The following VWC2L variants were observed in gnomAD, a reference collection of about 807,000 sequenced individuals.
VWC2L encodes von Willebrand factor C domain containing 2 like, also known as von Willebrand factor C domain-containing protein 2-like.
In VWC2L, 10 loss-of-function variants were observed where a neutral mutation model predicts 21.6. The ratio of observed to expected loss-of-function variants is 0.46; its 90% CI spans 0.29 to 0.78. The LOEUF is 0.78. VWC2L is among the 30% of genes least tolerant of loss of function. VWC2L has a pLI of 0.10. For missense variants in VWC2L, 209 were observed against 277.1 expected (o/e 0.75, Z 1.74); for synonymous variants, 96 against 94.3 (o/e 1.02, Z -0.10).
intron 3 of VWC2L, among the ~76,000 whole-genome samples, chr2:214,526,605 A>G (rs918296231): frequency 2.6e-5 from 4 of 152,210 alleles, no homozygotes; most frequent in Admixed American, 1.3e-4. Flanking sequence ...AAGCTTCTCT[A>G]GAAGGGATAG....
intron 1 of VWC2L, among the ~76,000 whole-genome samples, chr2:214,412,889 G>T (rs1206598850): frequency 6.6e-6 from 1 of 151,826 alleles, no homozygotes; most frequent in Non-Finnish European, 1.5e-5. Context: ...AGTGTTATTG[G>T]CATGAAGCCA....
At chr2:214,561,023 C>A (rs1294078505) in intron 3 of VWC2L, among the ~76,000 whole-genome samples, 1 of 152,214 alleles carries the variant, frequency 6.6e-6, no homozygotes. Context: ...AGACTATGTT[C>A]TCTTCCTGGT....
At chr2:214,526,394 T>G (rs1689338236) in intron 3 of VWC2L, among the ~76,000 whole-genome samples, 1 of 152,102 alleles carries the variant, frequency 6.6e-6, no homozygotes, top group African/African-American at 2.4e-5. Context: ...TGCTCACACC[T>G]CCCCATATTC....
chr2:214,510,966 A>G (rs1689042157), intron 3 of VWC2L, among the ~76,000 whole-genome samples: 1 of 152,204 alleles, frequency 6.6e-6, no homozygotes, highest in South Asian at 2.1e-4. Context: ...ATCCACCAAC[A>G]TAACACTTTG....
chr2:214,526,525 T>C (rs547831583), intron 3 of VWC2L, among the ~76,000 whole-genome samples: 2 of 152,362 alleles, frequency 1.3e-5, no homozygotes, highest in African/African-American at 4.8e-5. Context: ...CATCATCACC[T>C]ATATAAGGAC....
At chr2:214,477,549 G>A (rs1003237749) in intron 3 of VWC2L, among the ~76,000 whole-genome samples, 1 of 152,220 alleles carries the variant, frequency 6.6e-6, no homozygotes, top group Non-Finnish European at 1.5e-5. Context: ...TAACAAAAAT[G>A]ACAGCAGTTT....
chr2:214,557,318 T>C (rs114299543), intron 3 of VWC2L, among the ~76,000 whole-genome samples: 1,591 of 152,184 alleles, frequency 0.01, 15 homozygotes, highest in Non-Finnish European at 0.015. Flanking sequence ...TCAAATCTCG[T>C]GAGACGTATT....
intron 3 of VWC2L, among the ~76,000 whole-genome samples, chr2:214,437,721 T>A (rs1702698185): frequency 6.6e-6 from 1 of 152,144 alleles, no homozygotes; most frequent in Non-Finnish European, 1.5e-5. Flanking sequence ...AATCTTTTCC[T>A]TTACAGAAGG....
At chr2:214,461,947 G>A (rs1300020943) in intron 3 of VWC2L, among the ~76,000 whole-genome samples, 2 of 152,184 alleles carry the variant, frequency 1.3e-5, no homozygotes, top group Admixed American at 6.5e-5. Flanking sequence ...TGCACTGCTC[G>A]TTCCCTGTAG....
intron 3 of VWC2L, among the ~76,000 whole-genome samples, chr2:214,527,430 C>T (rs1391461499): frequency 1.3e-5 from 2 of 152,140 alleles, no homozygotes; most frequent in Non-Finnish European, 1.5e-5. Flanking sequence ...AGAAAACCAT[C>T]TCCAATTACT....
intron 3 of VWC2L, among the ~76,000 whole-genome samples, chr2:214,573,229 C>CTACACA (rs1306521986): frequency 1.3e-5 from 2 of 151,966 alleles, no homozygotes; most frequent in African/African-American, 2.4e-5. Context: ...TAGCATGTCT[C>CTACACA]TACACATACA....
rs1254221843 is a variant in VWC2L at position 214,421,449 on chromosome 2, T to C, written c.390+6866T>C. 2.6e-5 allele frequency among the ~76,000 whole-genome samples: 4 copies of C among 151,496 alleles called. No individual in the cohort carries two copies. The East Asian group carries it at 7.7e-4, about 29-fold the overall frequency. On this transcript the variant is annotated intron_variant, in intron 2 of 3. Coordinates refer to ENST00000312504, the MANE Select transcript of VWC2L (RefSeq NM_001080500.4). ...TATAGGAGTAGTTTTTCATACTCAC[T>C]TACCAATATTTATTGCTGTCCTTCA... is the stretch of plus-strand genomic sequence containing the variant.
At chr2:214,565,664 C>T (rs1438155397) in intron 3 of VWC2L, among the ~76,000 whole-genome samples, 1 of 152,006 alleles carries the variant, frequency 6.6e-6, no homozygotes, top group Non-Finnish European at 1.5e-5. Context: ...AATCAAAGGA[C>T]CTGGATTCTA....
At chr2:214,494,094 GC>G (rs1325978866) in intron 3 of VWC2L, among the ~76,000 whole-genome samples, 94 of 152,128 alleles carry the variant, frequency 6.2e-4, no homozygotes, top group African/African-American at 2.1e-3. Context: ...ACTCCATTTT[GC>G]TACAATTACA....
chr2:214,423,911 T>C (rs1010817088), intron 2 of VWC2L, among the ~76,000 whole-genome samples: 1 of 152,068 alleles, frequency 6.6e-6, no homozygotes, highest in South Asian at 2.1e-4. Flanking sequence ...GACCCATTTT[T>C]TTTTTCACTT....
At chr2:214,430,977 C>G (rs1702593453) in intron 2 of VWC2L, among the ~76,000 whole-genome samples, 1 of 152,162 alleles carries the variant, frequency 6.6e-6, no homozygotes, top group East Asian at 1.9e-4. Flanking sequence ...AAGAGGTCAT[C>G]ACAATCTCAT....
At chr2:214,528,340 T>G (rs1454470643) in intron 3 of VWC2L, among the ~76,000 whole-genome samples, 1 of 152,198 alleles carries the variant, frequency 6.6e-6, no homozygotes, top group East Asian at 1.9e-4. Flanking sequence ...CACTTTCTTG[T>G]TTGAAGACCT....
chr2:214,500,169 T>C (rs1277089748), intron 3 of VWC2L, among the ~76,000 whole-genome samples: 1 of 152,224 alleles, frequency 6.6e-6, no homozygotes, highest in Non-Finnish European at 1.5e-5. Context: ...TAATTTTGGG[T>C]AAATATTTCA....
chr2:214,546,389 C>T (rs1003634990), intron 3 of VWC2L, among the ~76,000 whole-genome samples: 2 of 152,056 alleles, frequency 1.3e-5, no homozygotes, highest in Non-Finnish European at 2.9e-5. Flanking sequence ...CCTAGATTCT[C>T]CTGAATGCTA....
Sources: allele counts gnomAD v4.1 joint callset (sites outside exome capture counted in the v4.1 genomes callset), GRCh38; gene constraint gnomAD v4.1.1; transcripts MANE v1.5; gene names NCBI Gene and HGNC (gene_info 2026-07-23, HGNC 2026-07-21).